CFAP97: variants seen among roughly 807,000 people sequenced by gnomAD.
CFAP97 encodes the protein cilia and flagella associated protein 97, also known as cilia- and flagella-associated protein 97.
A neutral mutation model predicts 43.1 loss-of-function variants in CFAP97; 36 were observed. The ratio of observed to expected loss-of-function variants is 0.84; its 90% CI spans 0.64 to 1.10. The LOEUF is 1.10. CFAP97 is among the 50% of genes least tolerant of loss of function. CFAP97 has a pLI of 0.00. For missense variants in CFAP97, 657 were observed against 620.3 expected (o/e 1.06, Z -0.63); for synonymous variants, 228 against 225.7 (o/e 1.01, Z -0.09).
At chr4:185,201,939 T>C (rs1045433639) in intron 1 of CFAP97, among the ~76,000 whole-genome samples, 1 of 152,222 alleles carries the variant, frequency 6.6e-6, no homozygotes, top group Non-Finnish European at 1.5e-5. Context: ...CCCTGTGTCA[T>C]TGTAAAAATT....
intron 2 of CFAP97, among the ~76,000 whole-genome samples, chr4:185,181,522 T>C (rs1034340587): frequency 2.0e-5 from 3 of 151,814 alleles, no homozygotes; most frequent in Non-Finnish European, 4.4e-5. Flanking sequence ...ACAGGGTTTC[T>C]CCATGTTGGT....
In CFAP97 at chr4:185,183,965, T is replaced by C. The variant is rs1735904302; in HGVS notation, c.1054+6178A>G. ...ATAATTGGGGAACTGTTCAGGAGTT[T>C]GGGGTAGGATTATTTTTCTTATTTA... is the stretch of plus-strand genomic sequence containing the variant. On this transcript the variant is annotated intron_variant, in intron 2 of 4. Transcript: ENST00000458385. Among the ~76,000 whole-genome samples the C allele has an allele frequency of 3.3e-5, 5 of 152,350 alleles. No homozygotes were observed. The South Asian group carries it at 8.3e-4, about 25-fold the overall frequency.
chr4:185,182,724 T>C (rs1249967931), intron 2 of CFAP97, among the ~76,000 whole-genome samples: 1 of 152,236 alleles, frequency 6.6e-6, no homozygotes, highest in South Asian at 2.1e-4. Context: ...CCATGCCCTA[T>C]ACTGGTAGAT....
intron 3 of CFAP97, among the ~76,000 whole-genome samples, chr4:185,175,260 CTTT>C (rs879419543): frequency 1.3e-5 from 2 of 151,250 alleles, no homozygotes; most frequent in Non-Finnish European, 2.9e-5. Flanking sequence ...CTCTCTCTCT[CTTT>C]TTTCTTCTCT....
At chr4:185,209,529 G>T (rs1400380323), upstream of CFAP97, 2 of 168,816 alleles carry the variant, frequency 1.2e-5, no homozygotes, top group African/African-American at 4.8e-5. The surrounding 1 kb of genome is among the most constrained non-coding windows in gnomAD (Gnocchi z 5.2). Context: ...GGCCGCGGTG[G>T]CTCCGGGCCC....
intron 1 of CFAP97, among the ~76,000 whole-genome samples, chr4:185,197,478 C>G (rs1440345636): frequency 6.6e-6 from 1 of 150,840 alleles, no homozygotes; most frequent in South Asian, 2.1e-4. Flanking sequence ...CAGGCTGGAG[C>G]GCAGTGGCGC....
chr4:185,175,095 C>T (rs1218667364), intron 3 of CFAP97, among the ~76,000 whole-genome samples: 1 of 152,056 alleles, frequency 6.6e-6, no homozygotes, highest in Non-Finnish European at 1.5e-5. Flanking sequence ...TTCCAGGACA[C>T]AATAAAGTAA....
At position 185,176,013 on chromosome 4, in the gene CFAP97, G is replaced by A; in HGVS notation, c.1093C>T (p.His365Tyr). The change falls in exon 3 of 5, where the codon CAC becomes TAC. Residue 365 changes from histidine (H) to tyrosine (Y), a missense_variant. By Grantham distance (83) the His-to-Tyr change is moderately conservative. Transcript: ENST00000458385. ...QLDKKGPQKH[H>Y]FDQPSVAPGK... ...GGTGCTACTGAAGGCTGATCAAAGT[G>A]ATGTTTTTGTGGTCCTTTTTTATCT... 6.2e-7 allele frequency: 1 copy of A among 1,607,154 alleles called. No individual in the cohort carries two copies. Among genetic ancestry groups the A allele is most frequent in the Non-Finnish European group, 8.5e-7 (1 of 1,177,174 alleles).
intron 3 of CFAP97, among the ~76,000 whole-genome samples, chr4:185,167,125 G>A (rs1392505951): frequency 6.6e-6 from 1 of 152,112 alleles, no homozygotes; most frequent in Non-Finnish European, 1.5e-5. Context: ...AAAAGTGTAT[G>A]CATTTTAATT....
upstream of CFAP97, chr4:185,210,241 C>T (rs981091144): frequency 2.4e-4 from 236 of 984,964 alleles, 1 homozygote; most frequent in African/African-American, 3.8e-3. The surrounding 1 kb of genome is among the most constrained non-coding windows in gnomAD (Gnocchi z 4.4). Flanking sequence ...CTCAGCCGCC[C>T]GCCGCCCGCC....
intron 1 of CFAP97, among the ~76,000 whole-genome samples, chr4:185,192,052 T>A (rs1330339930): frequency 6.6e-6 from 1 of 152,222 alleles, no homozygotes; most frequent in South Asian, 2.1e-4. Context: ...GAGGATTGAC[T>A]GACATTTCAG....
At chr4:185,198,446 A>AT (rs1736656022) in intron 1 of CFAP97, among the ~76,000 whole-genome samples, 2 of 122,558 alleles carry the variant, frequency 1.6e-5, no homozygotes, top group African/African-American at 5.7e-5. Context: ...CTGTCTTAAA[A>AT]AAAAAAAAAA....
At position 185,190,701 on chromosome 4, in the gene CFAP97, A is replaced by G. The variant is rs1262731683; in HGVS notation, c.496T>C (p.Tyr166His). 7.6e-6 allele frequency: 12 copies of G among 1,569,532 alleles called. No homozygotes were observed. Among genetic ancestry groups the G allele is most frequent in the Non-Finnish European group, 1.0e-5 (12 of 1,155,806 alleles). Residue 166 changes from tyrosine (Y) to histidine (H), a missense_variant, in exon 2 of 5, where the codon TAT (tyrosine) becomes CAT (histidine). Tyr to His is a moderately conservative substitution (Grantham distance 83). Coordinates refer to ENST00000458385, the MANE Select transcript of CFAP97 (RefSeq NM_020827.3). The part of the protein sequence containing the change: ...TNVKKSIRKK[Y>H]CKVSSSSSSS... ...GAGGAAGAGGAGCTAACTTTGCAAT[A>G]CTTTTTCCTTATGCTTTTTTTAACG... is the stretch of plus-strand genomic sequence containing the variant.
chr4:185,193,029 C>T (rs918755282), intron 1 of CFAP97, among the ~76,000 whole-genome samples: 1 of 152,030 alleles, frequency 6.6e-6, no homozygotes, highest in Admixed American at 6.6e-5. Context: ...CGTGAGCCAC[C>T]GCGCCCCACC....
chr4:185,206,322 C>T (rs1460649500), upstream of CFAP97, among the ~76,000 whole-genome samples: 1 of 152,168 alleles, frequency 6.6e-6, no homozygotes, highest in Non-Finnish European at 1.5e-5. Context: ...CAGCCCATGA[C>T]TTGTGCGCCT....
Position 185,192,769 on chromosome 4 carries a change from C to T in CFAP97, c.-16-1557G>A, listed in dbSNP as rs553679451. Among the ~76,000 whole-genome samples the T allele has an allele frequency of 3.3e-4, 32 of 97,270 alleles. 2 individuals are homozygous for T. Among genetic ancestry groups the T allele is most frequent in the African/African-American group, 1.6e-3 (32 of 20,536 alleles). The allele number at this position is 97,270 out of a possible 152,430, so 63.8% of individuals were successfully genotyped here. On this transcript the variant is annotated intron_variant, in intron 1 of 4. Transcript: ENST00000458385. ...TTTTTTTTTTTTTTTGAGACGGAGTCTCGCTCTGTCACCCAGGCTGGAGTG... is the reference window on the plus strand; with the variant it reads ...TTTTTTTTTTTTTTTGAGACGGAGTTTCGCTCTGTCACCCAGGCTGGAGTG...
At chr4:185,185,189 T>C (rs1415793619) in intron 2 of CFAP97, among the ~76,000 whole-genome samples, 2 of 152,150 alleles carry the variant, frequency 1.3e-5, no homozygotes, top group African/African-American at 4.8e-5. Context: ...AAATGAGTGC[T>C]GGCAGTGAGC....
chr4:185,168,649 C>T (rs1404629013), intron 3 of CFAP97, among the ~76,000 whole-genome samples: 1 of 151,566 alleles, frequency 6.6e-6, no homozygotes, highest in East Asian at 1.9e-4. Context: ...AATCCCAGCA[C>T]TTTGGGAGGC....
intron 1 of CFAP97, 134 bp downstream of exon 1, chr4:185,203,764 C>T (rs999592357): frequency 6.6e-6 from 1 of 151,826 alleles, no homozygotes; most frequent in Middle Eastern, 3.4e-3. Context: ...CCACCGTCCG[C>T]GCAGGCTTCG....
Sources: gnomAD v4.1 joint callset for allele counts (sites outside exome capture counted in the v4.1 genomes callset) on GRCh38, gnomAD v4.1.1 for gene constraint, Gnocchi (gnomAD v3.1) non-coding constraint, MANE v1.5 for transcripts, NCBI Gene and HGNC (gene_info 2026-07-23, HGNC 2026-07-21) for gene names.